The following PPARA variants were observed in gnomAD, a reference collection of about 807,000 sequenced individuals.
PPARA encodes the protein peroxisome proliferator-activated receptor alpha.
Under a neutral mutation model 42.2 loss-of-function variants are expected in PPARA, and 22 were observed. The ratio of observed to expected loss-of-function variants is 0.52; its 90% CI spans 0.37 to 0.74. PPARA has a LOEUF of 0.74. Ranked by LOEUF, PPARA falls within the 30% of genes least tolerant of loss-of-function variation. The probability of loss-of-function intolerance (pLI) is 0.00; values close to 1 mark genes in which losing one functional copy is unlikely to be tolerated. For synonymous variants in PPARA, 242 were observed against 239.3 expected (o/e 1.01, Z -0.10); for missense variants, 465 against 608.2 (o/e 0.76, Z 2.48).
chr22:46,228,150 A>G (rs1935600293), intron 7 of PPARA, among the ~76,000 whole-genome samples: 1 of 152,210 alleles, frequency 6.6e-6, no homozygotes, highest in African/African-American at 2.4e-5. Context: ...AGGGGCATGC[A>G]AGCTGTTTAA....
rs1046550497 is a variant in PPARA at position 46,216,210 on chromosome 22, C to T, written c.369+877C>T. ...CCAGCCTGGCCAACATGGTGAAACC[C>T]TGTCTCTACTAAAAATACAAAAATT... On this transcript the variant is annotated intron_variant, in intron 5 of 8. Transcript: ENST00000407236. This position sits in a 1 kb window ranked among gnomAD's most constrained non-coding sequence, Gnocchi z 4.5. Among the ~76,000 whole-genome samples the T allele has an allele frequency of 5.9e-5, 9 of 152,014 alleles. No homozygotes were observed. The highest frequency in any genetic ancestry group is 2.2e-4 in the African/African-American group (9 of 41,364).
chr22:46,201,146 A>C (rs1339555331), intron 4 of PPARA, among the ~76,000 whole-genome samples: 2 of 150,752 alleles, frequency 1.3e-5, no homozygotes, highest in African/African-American at 4.9e-5. Context: ...AAAAAAAAGT[A>C]AGTAACCTGC....
Position 46,225,587 on chromosome 22 carries a change from A to T in PPARA, c.711+5573A>T, listed in dbSNP as rs185939292. Among the ~76,000 whole-genome samples the T allele has an allele frequency of 5.3e-4, 81 of 151,988 alleles. No individual in the cohort carries two copies. Among genetic ancestry groups the T allele is most frequent in the African/African-American group, 1.9e-3 (80 of 41,430 alleles). On this transcript the variant is annotated intron_variant, in intron 7 of 8. Coordinates refer to ENST00000407236, the MANE Select transcript of PPARA (RefSeq NM_005036.6). This position sits in a 1 kb window ranked among gnomAD's most constrained non-coding sequence, Gnocchi z 4.1. ...TGCACCCACATGCATGCTCACACACATGCACCCACAGTCACACATCCATGC... is the reference window on the plus strand; with the variant it reads ...TGCACCCACATGCATGCTCACACACTTGCACCCACAGTCACACATCCATGC...
In PPARA at chr22:46,170,402, A is replaced by ATTT. The variant is rs935185946; in HGVS notation, c.-126-6326_-126-6324dup. ...AGGTGTGTACCACCACACCCAGCTA[A>ATTT]TTTTTTTTTTTTTTTTTTTTTTTTT... On this transcript the variant is annotated intron_variant, in intron 2 of 8. Coordinates refer to ENST00000407236, the MANE Select transcript of PPARA (RefSeq NM_005036.6). Among the ~76,000 whole-genome samples, 62 of 64,230 alleles carry ATTT rather than the reference A, an allele frequency of 9.7e-4. 4 individuals are homozygous for ATTT. The highest frequency in any genetic ancestry group is 2.9e-3 in the African/African-American group (50 of 17,298). 42.1% of individuals were successfully genotyped at this position (64,230 alleles called of 152,430 possible).
intron 2 of PPARA, among the ~76,000 whole-genome samples, chr22:46,153,704 C>T (rs1302274768): frequency 6.6e-6 from 1 of 151,890 alleles, no homozygotes; most frequent in East Asian, 1.9e-4. Flanking sequence ...ACTAAAAATA[C>T]AAAAATTAGC....
rs1373518323 is a variant in PPARA at position 46,160,671 on chromosome 22, G to T, written c.-127+8701G>T. Among the ~76,000 whole-genome samples, 1 of 152,156 alleles carries T rather than the reference G, an allele frequency of 6.6e-6. No individual in the cohort carries two copies. The highest frequency in any genetic ancestry group is 1.5e-5 in the Non-Finnish European group (1 of 68,030). On this transcript the variant is annotated intron_variant, in intron 2 of 8. Coordinates refer to ENST00000407236, the MANE Select transcript of PPARA (RefSeq NM_005036.6). The surrounding 1 kb of genome is among the most constrained non-coding windows in gnomAD (Gnocchi z 4.5). The stretch of plus-strand genomic sequence containing the variant: ...GCTGGAGTGCAGTGGTGTGATCTCA[G>T]CTCACTGCAACCTCCACCTCTCTGG...
chr22:46,204,210 T>C lies in PPARA; in HGVS notation c.208+5619T>C, dbSNP rs12166737. Among the ~76,000 whole-genome samples, 6,815 of 152,328 alleles carry C rather than the reference T, an allele frequency of 0.045. 443 individuals carry two copies. Among genetic ancestry groups the C allele is most frequent in the African/African-American group, 0.14 (5,970 of 41,560 alleles). On this transcript the variant is annotated intron_variant, in intron 4 of 8. Transcript: ENST00000407236. The surrounding 1 kb of genome is among the most constrained non-coding windows in gnomAD (Gnocchi z 5.2). ...TCAATAGTTCATTCTTCATCCATCA[T>C]GTGGACATAGCACAGTTTGCTGATT...
intron 4 of PPARA, among the ~76,000 whole-genome samples, chr22:46,202,972 A>G (rs377633061): frequency 2.6e-5 from 4 of 152,150 alleles, no homozygotes; most frequent in African/African-American, 9.6e-5. Flanking sequence ...AAAAAAGGGG[A>G]ACTTACAAAA....
At chr22:46,220,169 C>A in intron 7 of PPARA, 155 bp downstream of exon 7, 1 of 907,940 alleles carries the variant, frequency 1.1e-6, no homozygotes, top group South Asian at 1.4e-5. Context: ...TTCTGAGACT[C>A]TGAGCTGTAG....
intron 2 of PPARA, among the ~76,000 whole-genome samples, chr22:46,158,371 CA>C (rs907334754): frequency 3.6e-4 from 54 of 152,106 alleles, no homozygotes; most frequent in African/African-American, 1.1e-3. Context: ...CGCACCACTG[CA>C]CATCTCAGAA....
chr22:46,176,541 A>G (rs1287328182), intron 2 of PPARA, among the ~76,000 whole-genome samples: 1 of 152,046 alleles, frequency 6.6e-6, no homozygotes, highest in African/African-American at 2.4e-5. Flanking sequence ...TTGTTATTAG[A>G]TTATATACTC....
chr22:46,230,957 A>G lies in PPARA; in HGVS notation c.712-835A>G, dbSNP rs1354747526. The stretch of plus-strand genomic sequence containing the variant: ...CGTAATTAAGCCTCTTGCAATAGTC[A>G]TTAGTTCAGAGAATATTTAAGAATA... On this transcript the variant is annotated intron_variant, in intron 7 of 8. Transcript: ENST00000407236. The surrounding 1 kb of genome is among the most constrained non-coding windows in gnomAD (Gnocchi z 5.0). Among the ~76,000 whole-genome samples, 2 of 152,228 alleles carry G rather than the reference A, an allele frequency of 1.3e-5. No individual in the cohort carries two copies. The highest frequency in any genetic ancestry group is 2.9e-5 in the Non-Finnish European group (2 of 68,040).
rs1222866307 is a variant in PPARA, at chr22:46,240,399, G to A, written c.*5019G>A. On this transcript the variant is annotated 3_prime_UTR_variant, in exon 9 of 9. Transcript: ENST00000407236. This position sits in a 1 kb window ranked among gnomAD's most constrained non-coding sequence, Gnocchi z 6.0. ...TGTTGTTTCTAGACTCTTGCACCTG[G>A]TGAGTGCAAGGATAGGTGACCCAGG... 7 of 396,280 alleles carry A rather than the reference G, an allele frequency of 1.8e-5. No individual in the cohort carries two copies. The highest frequency in any genetic ancestry group is 1.0e-4 in the African/African-American group (5 of 48,596). 24.5% of individuals were successfully genotyped at this position (396,280 alleles called of 1,614,324 possible). A position where few individuals can be genotyped will look rare whatever the true frequency, so the allele number is the denominator to read the frequency against.
In PPARA at chr22:46,190,490, C is replaced by T. The variant is rs1187261574; in HGVS notation, c.-42-7852C>T. Among the ~76,000 whole-genome samples, 4 of 152,164 alleles carry T rather than the reference C, an allele frequency of 2.6e-5. No homozygotes were observed. The highest frequency in any genetic ancestry group is 9.6e-5 in the African/African-American group (4 of 41,454). ...AAGTTCCAGGCTGGGTATGATGGCT[C>T]ACACCAGTAATCCCAACACTTAGAG... is the stretch of plus-strand genomic sequence containing the variant. On this transcript the variant is annotated intron_variant, in intron 3 of 8. Coordinates refer to ENST00000407236, the MANE Select transcript of PPARA (RefSeq NM_005036.6). This position sits in a 1 kb window ranked among gnomAD's most constrained non-coding sequence, Gnocchi z 5.6.
chr22:46,195,477 T>A lies in PPARA; in HGVS notation c.-42-2865T>A, dbSNP rs894390183. Among the ~76,000 whole-genome samples the A allele has an allele frequency of 6.6e-6, 1 of 152,204 alleles. No individual in the cohort carries two copies. Among genetic ancestry groups the A allele is most frequent in the African/African-American group, 2.4e-5 (1 of 41,456 alleles). On this transcript the variant is annotated intron_variant, in intron 3 of 8. Transcript: ENST00000407236. This position sits in a 1 kb window ranked among gnomAD's most constrained non-coding sequence, Gnocchi z 4.6. ...GAAAGGTTAACAGTTCTCTTATTTT[T>A]CCCTGTGTGCTATTTGATGATTTCC...
intron 7 of PPARA, among the ~76,000 whole-genome samples, chr22:46,226,226 CGTGCACACACAT>C (rs1362904919): frequency 6.6e-6 from 1 of 152,056 alleles, no homozygotes; most frequent in African/African-American, 2.4e-5. Flanking sequence ...CTCACACACA[CGTGCACACACAT>C]GCTCACACAC....
rs1402458086 is a variant in PPARA, at chr22:46,231,311, T to C, written c.712-481T>C. ...TCGGCTCACTGCAAGCTCTGCCTCC[T>C]GGGTTCACGCCATTCTCCTGCCTCA... On this transcript the variant is annotated intron_variant, in intron 7 of 8. Coordinates refer to ENST00000407236, the MANE Select transcript of PPARA (RefSeq NM_005036.6). This position sits in a 1 kb window ranked among gnomAD's most constrained non-coding sequence, Gnocchi z 7.7. Among the ~76,000 whole-genome samples the C allele has an allele frequency of 6.6e-6, 1 of 151,580 alleles. No homozygotes were observed. Among genetic ancestry groups the C allele is most frequent in the African/African-American group, 2.4e-5 (1 of 41,240 alleles).
chr22:46,169,789 C>T (rs1927701742), intron 2 of PPARA, among the ~76,000 whole-genome samples: 1 of 151,938 alleles, frequency 6.6e-6, no homozygotes, highest in Non-Finnish European at 1.5e-5. Flanking sequence ...GATGGATATA[C>T]TATGTTCATG....
rs6008976 is a variant in PPARA at position 46,163,114 on chromosome 22, G to A, written c.-127+11144G>A. ...GGAAAGAGCGGGGACAGAGGGTCACGGAGGTCGCAGGGGCGTGTGTGCAGC... is the reference window on the plus strand; with the variant it reads ...GGAAAGAGCGGGGACAGAGGGTCACAGAGGTCGCAGGGGCGTGTGTGCAGC... On this transcript the variant is annotated intron_variant, in intron 2 of 8. Transcript: ENST00000407236. This position sits in a 1 kb window ranked among gnomAD's most constrained non-coding sequence, Gnocchi z 4.9. Among the ~76,000 whole-genome samples the A allele has an allele frequency of 0.11, 16,856 of 152,198 alleles. 3,095 individuals are homozygous for A. The highest frequency in any genetic ancestry group is 0.38 in the African/African-American group (15,701 of 41,472).
Sources: allele counts gnomAD v4.1 joint callset (sites outside exome capture counted in the v4.1 genomes callset), GRCh38; gene constraint gnomAD v4.1.1; non-coding constraint Gnocchi (gnomAD v3.1); transcripts MANE v1.5; gene names NCBI Gene and HGNC (gene_info 2026-07-23, HGNC 2026-07-21).